Variants in CCNG1 observed in about 807,000 individuals in gnomAD.
The protein encoded by CCNG1 is cyclin-G1.
A neutral mutation model predicts 30.0 loss-of-function variants in CCNG1; 13 were observed. The ratio of observed to expected loss-of-function variants is 0.43; its 90% CI spans 0.28 to 0.69. CCNG1 has a LOEUF of 0.69. CCNG1 is among the 30% of genes least tolerant of loss of function. The pLI, the probability that CCNG1 is intolerant of heterozygous loss-of-function variation, is 0.16. For synonymous variants in CCNG1, 110 were observed against 121.5 expected, an observed-to-expected ratio of 0.91 and a Z score of 0.62; for missense variants, 285 against 331.4, an observed-to-expected ratio of 0.86 and a Z score of 1.09.
At chr5:163,448,464 A>G (rs1475692681), downstream of CCNG1, 1 of 152,174 alleles carries the variant, frequency 6.6e-6, no homozygotes, top group Non-Finnish European at 1.5e-5. Context: ...CTTGAAAGGC[A>G]TACAGTACCC....
chr5:163,449,303 A>G (rs570187865), downstream of CCNG1: 1 of 117,810 alleles, frequency 8.5e-6, no homozygotes, highest in Admixed American at 9.6e-5. Context: ...GCAAGGTCAC[A>G]GGATACAAGG....
At chr5:163,453,956 A>G in the CCNG1 span, 10 of 1,472,562 alleles carry the variant, frequency 6.8e-6, no homozygotes, top group African/African-American at 1.3e-4. Context: ...AGAATGCAGG[A>G]AAAAAAGCAG....
chr5:163,453,065 T>G, the CCNG1 span: 1 of 152,188 alleles, frequency 6.6e-6, no homozygotes, highest in Non-Finnish European at 1.5e-5. Flanking sequence ...GTAAGATAAT[T>G]TGAAGCAGAT....
chr5:163,446,661 A>G (rs1337846184), downstream of CCNG1: 1 of 152,242 alleles, frequency 6.6e-6, no homozygotes, highest in Non-Finnish European at 1.5e-5. Flanking sequence ...ATTATTTATT[A>G]AATCTATTTT....
downstream of CCNG1, chr5:163,448,235 G>A (rs1027600809): frequency 2.0e-5 from 3 of 150,744 alleles, no homozygotes; most frequent in Admixed American, 2.0e-4. Flanking sequence ...AAATGCAATT[G>A]TAAACAAATT....
intron 1 of CCNG1, among the ~76,000 whole-genome samples, chr5:163,438,715 TGCATTTTATTTTTCTAAAAA>T (rs1757624727): frequency 6.6e-6 from 1 of 152,256 alleles, no homozygotes; most frequent in Non-Finnish European, 1.5e-5. Flanking sequence ...CTTGAAGATT[TGCATTTTATTTTTCTAAAAA>T]GCATGGTTCC....
chr5:163,457,423 T>C, the CCNG1 span: 1 of 631,418 alleles, frequency 1.6e-6, no homozygotes, highest in African/African-American at 1.9e-5. Flanking sequence ...CTAGGTAACT[T>C]TGACATACAA....
the CCNG1 span, chr5:163,454,033 G>T: frequency 6.4e-7 from 1 of 1,550,896 alleles, no homozygotes; most frequent in East Asian, 2.3e-5. Context: ...CTGCTCCACT[G>T]AAGTCAAAAC....
downstream of CCNG1, chr5:163,450,754 C>T (rs1389924120): frequency 6.6e-6 from 1 of 152,200 alleles, no homozygotes; most frequent in Non-Finnish European, 1.5e-5. Context: ...GAAACAATGA[C>T]AGCTCCTCAA....
rs185471595 is a variant in CCNG1, at chr5:163,444,566, A to G, written c.*896A>G. 6.5e-6 allele frequency: 1 copy of G among 152,786 alleles called. No individual in the cohort carries two copies. The highest frequency in any genetic ancestry group is 1.9e-4 in the East Asian group (1 of 5,196). The allele number at this position is 152,786 out of a possible 1,614,324, so 9.5% of individuals were successfully genotyped here. A position where few individuals can be genotyped will look rare whatever the true frequency, so the allele number is the denominator to read the frequency against. On this transcript the variant is annotated 3_prime_UTR_variant, in exon 7 of 7. Coordinates refer to ENST00000340828, the MANE Select transcript of CCNG1 (RefSeq NM_004060.4). ...GAAGTGATGGCAATTTTATAAATAG[A>G]GAATATACTTCCACTGATGCCCTTA... is the stretch of plus-strand genomic sequence containing the variant.
At chr5:163,457,139 GTT>G in the CCNG1 span, 1,397 of 1,198,208 alleles carry the variant, frequency 1.2e-3, no homozygotes, top group South Asian at 3.0e-3. Flanking sequence ...TCATCAAGTT[GTT>G]TTTTTTTTTT....
chr5:163,453,393 G>A, the CCNG1 span: 1 of 152,128 alleles, frequency 6.6e-6, no homozygotes, highest in East Asian at 1.9e-4. Flanking sequence ...TATTGTTAGG[G>A]TTTTAACTAT....
At chr5:163,447,929 A>G (rs528519630), downstream of CCNG1, 3 of 152,116 alleles carry the variant, frequency 2.0e-5, no homozygotes, top group African/African-American at 4.8e-5. Context: ...GCTGCAATTT[A>G]TAACAATCGA....
chr5:163,443,244 G>A lies in CCNG1; in HGVS notation c.*4-430G>A, dbSNP rs1010278567. Among the ~76,000 whole-genome samples the A allele has an allele frequency of 3.3e-5, 5 of 151,294 alleles. No individual in the cohort carries two copies. The South Asian group carries it at 6.2e-4, about 19-fold the overall frequency. On this transcript the variant is annotated intron_variant, in intron 6 of 6. Coordinates refer to ENST00000340828, the MANE Select transcript of CCNG1 (RefSeq NM_004060.4). ...GGAGAATGGCGGGAACCCGGGAGGC[G>A]GAGTTTGCAGTGAGCTGAGATCGCG...
intron 1 of CCNG1, among the ~76,000 whole-genome samples, chr5:163,438,300 TTAAG>T (rs1482558549): frequency 6.6e-6 from 1 of 151,814 alleles, no homozygotes; most frequent in Non-Finnish European, 1.5e-5. Context: ...ACAATAAAAG[TTAAG>T]TAATATTGAG....
At chr5:163,456,915 T>G in the CCNG1 span, 1 of 1,584,018 alleles carries the variant, frequency 6.3e-7, no homozygotes, top group Non-Finnish European at 8.6e-7. Context: ...ACTCATACAC[T>G]TCATCTGACT....
At chr5:163,454,128 A>G in the CCNG1 span, 1 of 655,416 alleles carries the variant, frequency 1.5e-6, no homozygotes, top group East Asian at 3.1e-5. Context: ...ATTGATAAAA[A>G]AGGATATATA....
At chr5:163,439,135 G>A in intron 1 of CCNG1, 122 bp from the exon 2 acceptor site, 1 of 807,662 alleles carries the variant, frequency 1.2e-6, no homozygotes. Flanking sequence ...TGACTTAGAT[G>A]CACTAGCCGC....
At chr5:163,442,742 G>A (rs1757882601) in intron 6 of CCNG1, among the ~76,000 whole-genome samples, 174 bp downstream of exon 6, 1 of 152,098 alleles carries the variant, frequency 6.6e-6, no homozygotes, top group African/African-American at 2.4e-5. Flanking sequence ...CTATATACAA[G>A]GTACAACATC....
Sources: allele counts gnomAD v4.1 joint callset (sites outside exome capture counted in the v4.1 genomes callset), GRCh38; gene constraint gnomAD v4.1.1; transcripts MANE v1.5; gene names NCBI Gene and HGNC (gene_info 2026-07-23, HGNC 2026-07-21).